PTPN11: variants seen among roughly 807,000 people sequenced by gnomAD.
PTPN11 encodes tyrosine-protein phosphatase non-receptor type 11.
A neutral mutation model predicts 78.8 loss-of-function variants in PTPN11; 6 were observed. The ratio of observed to expected loss-of-function variants is 0.08; its 90% CI spans 0.04 to 0.15. PTPN11 has a LOEUF of 0.15. Among genes scored for constraint, PTPN11 ranks in the 10% least tolerant of loss-of-function variants. The pLI, the probability that PTPN11 is intolerant of heterozygous loss-of-function variation, is 1.00. For missense variants in PTPN11, 386 were observed against 744.8 expected (o/e 0.52, Z 5.61); for synonymous variants, 221 against 263.5 (o/e 0.84, Z 1.56).
At chr12:112,490,219 AAAGTT>A (rs1044026680) in intron 13 of PTPN11, among the ~76,000 whole-genome samples, 2 of 152,162 alleles carry the variant, frequency 1.3e-5, no homozygotes, top group African/African-American at 4.8e-5. Context: ...AGTTAGGCAA[AAAGTT>A]GCCCAAAGAG....
intron 5 of PTPN11, 63 bp downstream of exon 5, chr12:112,454,743 T>C: frequency 7.9e-7 from 1 of 1,269,840 alleles, no homozygotes; most frequent in South Asian, 1.2e-5. Context: ...TAATAGAGAA[T>C]TTTGCAAACA....
At chr12:112,439,260 G>C (rs1250108723) in intron 1 of PTPN11, among the ~76,000 whole-genome samples, 1 of 151,990 alleles carries the variant, frequency 6.6e-6, no homozygotes, top group Non-Finnish European at 1.5e-5. Context: ...GGAGGGGATT[G>C]CCCTTTTTTT....
At chr12:112,449,297 A>G (rs2038043582) in intron 2 of PTPN11, among the ~76,000 whole-genome samples, 1 of 150,340 alleles carries the variant, frequency 6.7e-6, no homozygotes, top group Non-Finnish European at 1.5e-5. Context: ...TGAGGTCAGG[A>G]GACCAATACC....
intron 1 of PTPN11, among the ~76,000 whole-genome samples, chr12:112,442,853 TA>T (rs1260485987): frequency 2.1e-5 from 2 of 94,108 alleles, no homozygotes; most frequent in East Asian, 1.5e-3. Context: ...TATATATATA[TA>T]TATATATATA....
In PTPN11 at chr12:112,424,537, A is replaced by G. The variant is rs185745872; in HGVS notation, c.14+5412A>G. Reference sequence around the variant, plus strand: ...AGACAAGTGATGAGAGAGGCTTTGAACTTGGGTAAAAGTAGTTTGTGGAAA... The same window carrying G: ...AGACAAGTGATGAGAGAGGCTTTGAGCTTGGGTAAAAGTAGTTTGTGGAAA... On this transcript the variant is annotated intron_variant, in intron 1 of 15. Coordinates refer to ENST00000351677, the MANE Select transcript of PTPN11 (RefSeq NM_002834.5). Among the ~76,000 whole-genome samples, 276 of 152,244 alleles carry G rather than the reference A, an allele frequency of 1.8e-3. 1 individual carries two copies. The highest frequency in any genetic ancestry group is 1.6e-3 in the Non-Finnish European group (111 of 68,014).
chr12:112,429,115 G>A (rs1302259563), intron 1 of PTPN11, among the ~76,000 whole-genome samples: 11 of 152,186 alleles, frequency 7.2e-5, no homozygotes. Context: ...AAGAAGCAGT[G>A]TTAGCTTAAA....
chr12:112,490,022 C>T (rs1237084138), intron 13 of PTPN11, among the ~76,000 whole-genome samples: 2 of 152,108 alleles, frequency 1.3e-5, no homozygotes, highest in Admixed American at 1.3e-4. Context: ...GTTTTCAGTC[C>T]GCACAGACAT....
At chr12:112,473,439 TCCC>T (rs2038450454) in intron 7 of PTPN11, among the ~76,000 whole-genome samples, 1 of 152,144 alleles carries the variant, frequency 6.6e-6, no homozygotes, top group South Asian at 2.1e-4. Flanking sequence ...GGGACTCAGT[TCCC>T]TTAAGTGGGA....
At chr12:112,440,282 CT>C (rs1177069975) in intron 1 of PTPN11, among the ~76,000 whole-genome samples, 2 of 150,952 alleles carry the variant, frequency 1.3e-5, no homozygotes, top group Admixed American at 6.6e-5. Context: ...CTCAATTTTC[CT>C]TTTTTTTTGA....
At chr12:112,467,694 C>T (rs2038352308) in intron 6 of PTPN11, among the ~76,000 whole-genome samples, 1 of 152,094 alleles carries the variant, frequency 6.6e-6, no homozygotes, top group Admixed American at 6.6e-5. Flanking sequence ...AGGGTTTCAC[C>T]ATGTTGGCCA....
Position 112,424,037 on chromosome 12 carries a change from C to T in PTPN11, c.14+4912C>T, listed in dbSNP as rs564038212. Among the ~76,000 whole-genome samples, 16 of 152,290 alleles carry T rather than the reference C, an allele frequency of 1.1e-4. 1 individual carries two copies. In the South Asian group the frequency reaches 1.2e-3, roughly 12 times the overall value. On this transcript the variant is annotated intron_variant, in intron 1 of 15. Transcript: ENST00000351677. ...AAAGTACTAGGATTACAGATGTGAA[C>T]CACTGTACCTGGCCTTTACAATGTC...
At chr12:112,420,383 T>C (rs576581569) in intron 1 of PTPN11, among the ~76,000 whole-genome samples, 1 of 152,174 alleles carries the variant, frequency 6.6e-6, no homozygotes, top group South Asian at 2.1e-4. Flanking sequence ...GCTCACTCTG[T>C]TGCCCAGGCT....
At chr12:112,451,877 T>C (rs982566604) in intron 3 of PTPN11, among the ~76,000 whole-genome samples, 3 of 152,350 alleles carry the variant, frequency 2.0e-5, no homozygotes. Flanking sequence ...TCTTTCTTTT[T>C]TTTAATTTAT....
At chr12:112,430,853 G>C (rs1020098042) in intron 1 of PTPN11, among the ~76,000 whole-genome samples, 4 of 151,862 alleles carry the variant, frequency 2.6e-5, no homozygotes, top group Non-Finnish European at 4.4e-5. Context: ...GCAAGTTTTT[G>C]GCTCATATGC....
chr12:112,482,748 G>A lies in PTPN11; in HGVS notation c.1224+543G>A, dbSNP rs1291374636. 6.6e-6 allele frequency among the ~76,000 whole-genome samples: 1 copy of A among 152,198 alleles called. No homozygotes were observed. Among genetic ancestry groups the A allele is most frequent in the Non-Finnish European group, 1.5e-5 (1 of 68,044 alleles). ...GCAGTAGATGTGAGAGGTGCCGGGG[G>A]GTGAAGTCTGCAGGATGTGGGGATT... On this transcript the variant is annotated intron_variant, in intron 10 of 15. Coordinates refer to ENST00000351677, the MANE Select transcript of PTPN11 (RefSeq NM_002834.5). This position sits in a 1 kb window ranked among gnomAD's most constrained non-coding sequence, Gnocchi z 4.4.
chr12:112,442,296 G>A (rs2037906184), intron 1 of PTPN11, among the ~76,000 whole-genome samples: 3 of 151,796 alleles, frequency 2.0e-5, no homozygotes, highest in African/African-American at 7.3e-5. Context: ...AAAATGCTTG[G>A]GACCAGAAGT....
intron 1 of PTPN11, among the ~76,000 whole-genome samples, chr12:112,436,515 AT>A (rs1231371544): frequency 6.6e-6 from 1 of 152,194 alleles, no homozygotes; most frequent in Non-Finnish European, 1.5e-5. Context: ...TAACCAAGAG[AT>A]GCTTCAAATC....
At chr12:112,430,063 C>T (rs913110660) in intron 1 of PTPN11, among the ~76,000 whole-genome samples, 4 of 151,904 alleles carry the variant, frequency 2.6e-5, no homozygotes, top group Non-Finnish European at 5.9e-5. Context: ...CTCTGTTGCC[C>T]AGGCTGGAGT....
At chr12:112,425,730 C>T (rs2037606552) in intron 1 of PTPN11, among the ~76,000 whole-genome samples, 1 of 152,000 alleles carries the variant, frequency 6.6e-6, no homozygotes, top group Non-Finnish European at 1.5e-5. Context: ...GTTTAAATTC[C>T]ACCCCTCTCT....
Sources: allele counts gnomAD v4.1 joint callset (sites outside exome capture counted in the v4.1 genomes callset), GRCh38; gene constraint gnomAD v4.1.1; non-coding constraint Gnocchi (gnomAD v3.1); transcripts MANE v1.5; gene names NCBI Gene and HGNC (gene_info 2026-07-23, HGNC 2026-07-21).